Variants in DMD observed in about 807,000 individuals in gnomAD.
The protein encoded by DMD is dystrophin.
DMD carries 63 observed loss-of-function variants against 330.1 expected under a neutral mutation model. That is an observed-to-expected ratio of 0.19 (90% CI 0.16 to 0.24). The LOEUF is 0.24. Among genes scored for constraint, DMD ranks in the 10% least tolerant of loss-of-function variants. The probability of loss-of-function intolerance (pLI) is 1.00; values close to 1 mark genes in which losing one functional copy is unlikely to be tolerated. For synonymous variants in DMD, 1,223 were observed against 959.8 expected (o/e 1.27, Z -5.07); for missense variants, 3,344 against 2,684.1 (o/e 1.25, Z -5.43).
intron 2 of DMD, among the ~76,000 whole-genome samples, chrX:33,017,051 G>T (rs187460926): frequency 2.3e-3 from 255 of 111,544 alleles, no homozygotes; most frequent in African/African-American, 7.7e-3. Flanking sequence ...CTATATAATA[G>T]ATGTGATAAA....
intron 7 of DMD, among the ~76,000 whole-genome samples, chrX:32,782,015 G>A (rs2074815608): frequency 9.0e-6 from 1 of 111,234 alleles, no homozygotes; most frequent in African/African-American, 3.3e-5. Flanking sequence ...AATTATTATT[G>A]TTGCTTGTCT....
At chrX:33,331,996 C>A (rs1178500362) in intron 1 of DMD, among the ~76,000 whole-genome samples, 2 of 111,184 alleles carry the variant, frequency 1.8e-5, no homozygotes, top group East Asian at 5.6e-4. Context: ...ATCTATAGGT[C>A]AAAATGTATG....
chrX:31,543,823 G>A (rs1024792203), intron 55 of DMD, among the ~76,000 whole-genome samples: 2 of 111,187 alleles, frequency 1.8e-5, no homozygotes, highest in South Asian at 3.9e-4. Flanking sequence ...ACAGTGAACC[G>A]ATAAGTATGT....
chrX:31,150,080 T>C lies in DMD; in HGVS notation c.10554-2562A>G, dbSNP rs909960875. Among the ~76,000 whole-genome samples, 7 of 112,040 alleles carry C rather than the reference T, an allele frequency of 6.2e-5. 1 individual carries two copies. Among genetic ancestry groups the C allele is most frequent in the Admixed American group, 5.7e-4 (6 of 10,564 alleles). ...TAGTGTGCTGATTTTGTTGTTAAAA[T>C]TGTCCATATCTTTATTAATTTTTGA... is the stretch of plus-strand genomic sequence containing the variant. On this transcript the variant is annotated intron_variant, in intron 74 of 78. Transcript: ENST00000357033.
At chrX:31,368,256 A>G (rs1201918357) in intron 60 of DMD, among the ~76,000 whole-genome samples, 1 of 112,464 alleles carries the variant, frequency 8.9e-6, no homozygotes, top group South Asian at 3.7e-4. Flanking sequence ...GAGCTTACTC[A>G]TATCATATAG....
chrX:32,200,976 C>G (rs2097033003), intron 44 of DMD, among the ~76,000 whole-genome samples: 1 of 111,417 alleles, frequency 9.0e-6, no homozygotes, highest in Non-Finnish European at 1.9e-5. Context: ...ATCACTCTCA[C>G]TACCAAATCC....
chrX:33,301,248 A>G (rs2053656900), intron 1 of DMD, among the ~76,000 whole-genome samples: 1 of 111,263 alleles, frequency 9.0e-6, no homozygotes, highest in South Asian at 3.8e-4. Context: ...GGCCTTAGGA[A>G]CTGTACGTAC....
chrX:32,872,390 C>T (rs144755360), intron 2 of DMD, among the ~76,000 whole-genome samples: 3 of 111,746 alleles, frequency 2.7e-5, no homozygotes, highest in African/African-American at 9.8e-5. Context: ...ACTTAAACCA[C>T]AGTATACTGT....
At chrX:31,771,607 T>G (rs2090346652) in intron 51 of DMD, among the ~76,000 whole-genome samples, 1 of 109,865 alleles carries the variant, frequency 9.1e-6, no homozygotes, top group Non-Finnish European at 1.9e-5. Flanking sequence ...ATTCAAGTGA[T>G]TCTCCTGCCT....
At chrX:31,178,170 A>C (rs1331140376) in intron 70 of DMD, 200 bp from the exon 71 acceptor site, 14 of 751,860 alleles carry the variant, frequency 1.9e-5, no homozygotes, top group Non-Finnish European at 2.2e-5. Context: ...AAAAAAGAGG[A>C]GCAGGTTGAA....
intron 12 of DMD, among the ~76,000 whole-genome samples, chrX:32,605,320 C>T (rs1284760756): frequency 1.8e-5 from 2 of 110,283 alleles, no homozygotes; most frequent in Non-Finnish European, 3.8e-5. Context: ...ACATCCTATT[C>T]AGTAAATTGT....
At chrX:31,973,821 A>T (rs772596962) in intron 44 of DMD, among the ~76,000 whole-genome samples, 41 of 112,012 alleles carry the variant, frequency 3.7e-4, no homozygotes, top group Non-Finnish European at 6.6e-4. Flanking sequence ...TTTACAGCTG[A>T]ATATTAAGCA....
At chrX:31,373,629 G>C (rs1326173997) in intron 60 of DMD, among the ~76,000 whole-genome samples, 2 of 109,150 alleles carry the variant, frequency 1.8e-5, no homozygotes, top group African/African-American at 6.7e-5. Flanking sequence ...GTAGAAAGCT[G>C]AAACTGGATC....
intron 2 of DMD, among the ~76,000 whole-genome samples, chrX:32,966,075 T>C (rs1208669934): frequency 8.9e-6 from 1 of 112,269 alleles, no homozygotes. Flanking sequence ...GATTCTCACT[T>C]GTCCAATGCA....
rs781334553 is a variant in DMD, at chrX:33,268,851, C to T, written c.7+70408G>A. ...CTGCAGCATGAGAATCATTTGAACC[C>T]AGGAGGTTGAGGTGCAGTGAGCCAG... is the stretch of plus-strand genomic sequence containing the variant. On this transcript the variant is annotated intron_variant, in intron 1 of 17. Transcript: ENST00000288447. Among the ~76,000 whole-genome samples the T allele has an allele frequency of 1.8e-3, 187 of 102,805 alleles. 1 individual carries two copies. Among genetic ancestry groups the T allele is most frequent in the African/African-American group, 6.5e-3 (178 of 27,468 alleles). 89.3% of individuals were successfully genotyped at this position (102,805 alleles called of 115,157 possible).
At chrX:32,432,407 G>T (rs1002876609) in intron 29 of DMD, among the ~76,000 whole-genome samples, 1 of 111,743 alleles carries the variant, frequency 8.9e-6, no homozygotes, top group Non-Finnish European at 1.9e-5. Context: ...AGTTTCATCT[G>T]ATTTTTTTCC....
chrX:32,178,877 T>G (rs1404780090), intron 44 of DMD, among the ~76,000 whole-genome samples: 2 of 99,895 alleles, frequency 2.0e-5, no homozygotes, highest in African/African-American at 4.1e-5. Flanking sequence ...ACACGATTCT[T>G]GGACCATATT....
intron 17 of DMD, among the ~76,000 whole-genome samples, chrX:32,532,094 A>G (rs931457236): frequency 9.0e-6 from 1 of 111,662 alleles, no homozygotes; most frequent in African/African-American, 3.3e-5. Flanking sequence ...TACTTATTAT[A>G]TAATGTGGTT....
intron 50 of DMD, among the ~76,000 whole-genome samples, chrX:31,800,871 C>T (rs1476582574): frequency 9.0e-6 from 1 of 111,598 alleles, no homozygotes; most frequent in African/African-American, 3.3e-5. Context: ...CCATCTGAGA[C>T]CACCTCAGCC....
Sources: gnomAD v4.1 joint callset for allele counts (sites outside exome capture counted in the v4.1 genomes callset) on GRCh38, gnomAD v4.1.1 for gene constraint, MANE v1.5 for transcripts, NCBI Gene and HGNC (gene_info 2026-07-23, HGNC 2026-07-21) for gene names.